Variants in HHAT observed in about 807,000 individuals in gnomAD.
The protein encoded by HHAT is hedgehog acyltransferase, also known as protein-cysteine N-palmitoyltransferase HHAT.
A neutral mutation model predicts 70.8 loss-of-function variants in HHAT; 47 were observed. The observed-to-expected ratio is 0.66, with a 90% confidence interval of 0.53 to 0.85. The LOEUF (loss-of-function observed/expected upper bound fraction) is 0.85. HHAT is among the 40% of genes least tolerant of loss of function. HHAT has a pLI of 0.00. For synonymous variants in HHAT, 228 were observed against 247.6 expected, an observed-to-expected ratio of 0.92 and a Z score of 0.74; for missense variants, 609 against 604.8, an observed-to-expected ratio of 1.01 and a Z score of -0.07.
intron 10 of HHAT, among the ~76,000 whole-genome samples, chr1:210,601,958 T>A (rs202193744): frequency 0.011 from 474 of 41,878 alleles, 1 homozygote; most frequent in Non-Finnish European, 0.018. Context: ...AGAGAGAGAG[T>A]ATGTGTGTGA....
chr1:210,656,417 C>T (rs954498113), intron 11 of HHAT, among the ~76,000 whole-genome samples: 1 of 152,132 alleles, frequency 6.6e-6, no homozygotes, highest in Non-Finnish European at 1.5e-5. Context: ...CCCCCCCGTC[C>T]CCCTGCCCTT....
chr1:210,436,739 C>G (rs1178007330), intron 7 of HHAT, among the ~76,000 whole-genome samples: 1 of 151,740 alleles, frequency 6.6e-6, no homozygotes, highest in Non-Finnish European at 1.5e-5. Context: ...CACAAAATCC[C>G]CTAAGTTTCA....
intron 9 of HHAT, among the ~76,000 whole-genome samples, chr1:210,526,731 C>G (rs534369006): frequency 1.3e-5 from 2 of 152,270 alleles, no homozygotes; most frequent in South Asian, 2.1e-4. Context: ...TGCTAAGCAG[C>G]CTTGCTGTTT....
In HHAT at chr1:210,545,730, C is replaced by T. The variant is rs770710899; in HGVS notation, c.1043+32542C>T. On this transcript the variant is annotated intron_variant, in intron 9 of 11. Coordinates refer to ENST00000261458, the MANE Select transcript of HHAT (RefSeq NM_018194.6). ...GGGATTACAGGTGTGAGCCACTGCA[C>T]CAGGCCTTAGTCATCACTTCTTCCG... Among the ~76,000 whole-genome samples the T allele has an allele frequency of 3.8e-4, 58 of 152,194 alleles. 1 individual carries two copies. Among genetic ancestry groups the T allele is most frequent in the Admixed American group, 1.2e-3 (18 of 15,274 alleles).
chr1:210,564,253 G>A (rs1020921611), intron 9 of HHAT, among the ~76,000 whole-genome samples: 7 of 151,864 alleles, frequency 4.6e-5, no homozygotes, highest in African/African-American at 9.7e-5. Flanking sequence ...ATGAGCCACC[G>A]CGCCTGGCTT....
At chr1:210,541,206 G>A (rs977900411) in intron 9 of HHAT, among the ~76,000 whole-genome samples, 14 of 152,126 alleles carry the variant, frequency 9.2e-5, no homozygotes, top group African/African-American at 3.4e-4. Context: ...AAAAAATAGA[G>A]ACAATACTGA....
chr1:210,499,139 G>A (rs12748886), intron 8 of HHAT, among the ~76,000 whole-genome samples: 78,491 of 151,830 alleles, frequency 0.52, 20,473 homozygotes, highest in East Asian at 0.61. Context: ...TTAGTCCTGA[G>A]AAGACCATCT....
At chr1:210,585,758 G>A (rs1034511469) in intron 9 of HHAT, among the ~76,000 whole-genome samples, 9 of 152,132 alleles carry the variant, frequency 5.9e-5, no homozygotes, top group Admixed American at 5.2e-4. Context: ...GGATAAGGGG[G>A]ATATAGCCAA....
At chr1:210,567,323 C>T (rs1020755907) in intron 9 of HHAT, among the ~76,000 whole-genome samples, 2 of 152,172 alleles carry the variant, frequency 1.3e-5, no homozygotes, top group African/African-American at 2.4e-5. Context: ...TTTGATGCAA[C>T]ATGGGACAAA....
intron 3 of HHAT, among the ~76,000 whole-genome samples, chr1:210,385,718 G>GT (rs1179452716): frequency 1.3e-5 from 2 of 152,234 alleles, no homozygotes; most frequent in Non-Finnish European, 2.9e-5. Context: ...GTGGCACAAA[G>GT]TAAAGCATGA....
intron 4 of HHAT, among the ~76,000 whole-genome samples, chr1:210,392,599 T>C (rs2091527173): frequency 6.6e-6 from 1 of 152,140 alleles, no homozygotes; most frequent in Non-Finnish European, 1.5e-5. Context: ...ATAGTACTAA[T>C]CTTCTACAAA....
chr1:210,418,038 C>A, intron 6 of HHAT, 116 bp from the exon 7 acceptor site: 1 of 969,062 alleles, frequency 1.0e-6, no homozygotes. Context: ...ACCAAACCAA[C>A]CCTCTGTCAG....
chr1:210,422,403 T>G (rs1220387152), intron 7 of HHAT, among the ~76,000 whole-genome samples: 1 of 152,218 alleles, frequency 6.6e-6, no homozygotes, highest in Non-Finnish European at 1.5e-5. Context: ...TTAACAAATC[T>G]CTCCCTATCC....
At chr1:210,636,240 A>G (rs1045033016) in intron 11 of HHAT, among the ~76,000 whole-genome samples, 4 of 152,188 alleles carry the variant, frequency 2.6e-5, no homozygotes, top group African/African-American at 9.6e-5. Context: ...TTGTGCTTGT[A>G]TCTGCCAGAC....
At chr1:210,369,670 A>T (rs537932805) in intron 3 of HHAT, 1 of 152,344 alleles carries the variant, frequency 6.6e-6, no homozygotes, top group African/African-American at 2.4e-5. Flanking sequence ...GGGGAAGGTG[A>T]TGATGTGACA....
At chr1:210,440,232 T>C (rs1327044404) in intron 7 of HHAT, among the ~76,000 whole-genome samples, 6 of 151,708 alleles carry the variant, frequency 4.0e-5, no homozygotes, top group Non-Finnish European at 5.9e-5. Flanking sequence ...GGCTAGTTTG[T>C]AGGTGTTTAT....
Position 210,356,696 on chromosome 1 carries a change from T to C in HHAT, c.92-6156T>C, listed in dbSNP as rs530033452. Among the ~76,000 whole-genome samples the C allele has an allele frequency of 2.0e-5, 3 of 152,396 alleles. No homozygotes were observed. In the South Asian group the frequency reaches 6.2e-4, roughly 32 times the overall value. On this transcript the variant is annotated intron_variant, in intron 2 of 11. Transcript: ENST00000261458. ...CTCATTTATAGATTAGTTCTTTCTT[T>C]TACATTCTTCATGCAACATGCTAAC...
chr1:210,412,204 G>T (rs935682533), intron 6 of HHAT, among the ~76,000 whole-genome samples: 1 of 152,038 alleles, frequency 6.6e-6, no homozygotes, highest in Non-Finnish European at 1.5e-5. Context: ...TTACCTTGGG[G>T]GTTAGGATTT....
intron 4 of HHAT, among the ~76,000 whole-genome samples, chr1:210,392,415 G>A (rs2091516507): frequency 6.6e-6 from 1 of 151,862 alleles, no homozygotes; most frequent in African/African-American, 2.4e-5. Context: ...TGTCCCCAGG[G>A]CACCTTTCTA....
Sources: allele counts gnomAD v4.1 joint callset (sites outside exome capture counted in the v4.1 genomes callset), GRCh38; gene constraint gnomAD v4.1.1; transcripts MANE v1.5; gene names NCBI Gene and HGNC (gene_info 2026-07-23, HGNC 2026-07-21).